Variants in KCNIP1 observed in about 807,000 individuals in gnomAD.
KCNIP1 encodes the protein A-type potassium channel modulatory protein KCNIP1.
KCNIP1 carries 18 observed loss-of-function variants against 33.0 expected under a neutral mutation model. That is an observed-to-expected ratio of 0.55 (90% confidence interval 0.38 to 0.81). The LOEUF (loss-of-function observed/expected upper bound fraction) is 0.81. Among genes scored for constraint, KCNIP1 ranks in the 30% least tolerant of loss-of-function variants. The pLI is 0.00. For missense variants in KCNIP1, 238 were observed against 271.6 expected, an observed-to-expected ratio of 0.88 and a Z score of 0.87; for synonymous variants, 93 against 98.3, an observed-to-expected ratio of 0.95 and a Z score of 0.32.
chr5:170,406,328 G>A (rs961322628), intron 1 of KCNIP1, among the ~76,000 whole-genome samples: 1 of 152,196 alleles, frequency 6.6e-6, no homozygotes, highest in Non-Finnish European at 1.5e-5. Flanking sequence ...GAGCTTGTGT[G>A]TATAGCATTT....
At chr5:170,692,629 G>A (rs1463794208) in intron 1 of KCNIP1, among the ~76,000 whole-genome samples, 1 of 152,162 alleles carries the variant, frequency 6.6e-6, no homozygotes, top group East Asian at 1.9e-4. Flanking sequence ...ATGACAAACT[G>A]GGGATACTAA....
chr5:170,429,791 G>A (rs115659929), intron 1 of KCNIP1, among the ~76,000 whole-genome samples: 1,617 of 152,216 alleles, frequency 0.011, 30 homozygotes, highest in African/African-American at 0.037. Flanking sequence ...TGCAAAAGAC[G>A]CCTCACAGAA....
intron 1 of KCNIP1, among the ~76,000 whole-genome samples, chr5:170,638,891 G>A (rs867389126): frequency 1.3e-5 from 2 of 152,204 alleles, no homozygotes; most frequent in African/African-American, 2.4e-5. Flanking sequence ...ACCAGCAGAG[G>A]GCAGCAGCAG....
At chr5:170,727,814 G>A (rs1764062014) in intron 5 of KCNIP1, among the ~76,000 whole-genome samples, 1 of 151,786 alleles carries the variant, frequency 6.6e-6, no homozygotes, top group Admixed American at 6.6e-5. Flanking sequence ...AGTGGCACGT[G>A]CCTGTGCTCC....
intron 1 of KCNIP1, among the ~76,000 whole-genome samples, chr5:170,373,594 TA>T (rs1158647594): frequency 3.3e-5 from 5 of 152,230 alleles, no homozygotes; most frequent in South Asian, 2.1e-4. Flanking sequence ...AAAAATAACA[TA>T]TTTTTTTGAA....
At chr5:170,381,200 G>T (rs1206550398) in intron 1 of KCNIP1, among the ~76,000 whole-genome samples, 3 of 152,122 alleles carry the variant, frequency 2.0e-5, no homozygotes, top group Non-Finnish European at 4.4e-5. Flanking sequence ...ACTCTTCATG[G>T]CCAAACCCAG....
intron 1 of KCNIP1, among the ~76,000 whole-genome samples, chr5:170,374,484 G>C (rs948358247): frequency 6.6e-6 from 1 of 152,166 alleles, no homozygotes; most frequent in African/African-American, 2.4e-5. Flanking sequence ...ACCTGGCACT[G>C]TTAGGATGTC....
chr5:170,406,561 G>T (rs1322644319), intron 1 of KCNIP1, among the ~76,000 whole-genome samples: 8 of 152,218 alleles, frequency 5.3e-5, no homozygotes, highest in Admixed American at 5.2e-4. Flanking sequence ...GGCACAAGAG[G>T]TGAGTGGCCT....
intron 1 of KCNIP1, among the ~76,000 whole-genome samples, chr5:170,701,782 T>C (rs759476240): frequency 2.0e-5 from 3 of 152,132 alleles, no homozygotes; most frequent in Non-Finnish European, 4.4e-5. Context: ...AGAGATGATG[T>C]TACTGTCCCC....
intron 1 of KCNIP1, among the ~76,000 whole-genome samples, chr5:170,360,778 G>T (rs1296642472): frequency 6.6e-6 from 1 of 152,214 alleles, no homozygotes; most frequent in Non-Finnish European, 1.5e-5. Flanking sequence ...CGTTCACCAC[G>T]TTCACCACGT....
chr5:170,561,253 A>C (rs961168889), intron 1 of KCNIP1: 1 of 391,806 alleles, frequency 2.6e-6, no homozygotes, highest in African/African-American at 2.1e-5. Flanking sequence ...TGGCCCCTGC[A>C]TCCTCAGATG....
chr5:170,516,162 G>A (rs1755112469), intron 1 of KCNIP1, among the ~76,000 whole-genome samples: 1 of 152,154 alleles, frequency 6.6e-6, no homozygotes, highest in South Asian at 2.1e-4. Flanking sequence ...GCAAGGATGA[G>A]GAAAGCACCA....
intron 1 of KCNIP1, among the ~76,000 whole-genome samples, chr5:170,381,982 C>G (rs999575106): frequency 6.6e-6 from 1 of 152,120 alleles, no homozygotes; most frequent in Non-Finnish European, 1.5e-5. Flanking sequence ...AGACCCACTT[C>G]TCATTGACCT....
rs538725179 is a variant in KCNIP1 at position 170,638,541 on chromosome 5, G to T, written c.62-80217G>T. Among the ~76,000 whole-genome samples, 35 of 152,308 alleles carry T rather than the reference G, an allele frequency of 2.3e-4. No individual in the cohort carries two copies. The South Asian group carries it at 3.1e-3, about 14-fold the overall frequency. On this transcript the variant is annotated intron_variant, in intron 1 of 7. Transcript: ENST00000328939. ...AGAAATTATTTTACCATTCTGAGTG[G>T]CAGTCTCTGAAGACTACAGCAATAA...
intron 1 of KCNIP1, among the ~76,000 whole-genome samples, chr5:170,688,812 G>A (rs1238374948): frequency 6.6e-6 from 1 of 152,192 alleles, no homozygotes; most frequent in Non-Finnish European, 1.5e-5. Context: ...TCTGGGCCAT[G>A]TCCACCCTGC....
At chr5:170,601,648 G>T (rs1372113115) in intron 1 of KCNIP1, among the ~76,000 whole-genome samples, 1 of 152,200 alleles carries the variant, frequency 6.6e-6, no homozygotes, top group Admixed American at 6.5e-5. Flanking sequence ...GCAGAAAAAA[G>T]ATTGCACTCA....
rs561903455 is a variant in KCNIP1 at position 170,625,487 on chromosome 5, C to T, written c.62-93271C>T. On this transcript the variant is annotated intron_variant, in intron 1 of 7. Transcript: ENST00000328939. ...CTCCCCATCGCTGGGCTGTGACCTGCGGGGGCGCCCCTCTATGGAAGGGAA... is the reference window on the plus strand; with the variant it reads ...CTCCCCATCGCTGGGCTGTGACCTGTGGGGGCGCCCCTCTATGGAAGGGAA... 2.6e-5 allele frequency among the ~76,000 whole-genome samples: 4 copies of T among 152,310 alleles called. No individual in the cohort carries two copies. In the South Asian group the frequency reaches 6.2e-4, roughly 24 times the overall value.
At chr5:170,653,500 CA>C (rs567313537) in intron 1 of KCNIP1, among the ~76,000 whole-genome samples, 96 of 152,250 alleles carry the variant, frequency 6.3e-4, no homozygotes, top group African/African-American at 2.0e-3. Context: ...CTGCCCAATC[CA>C]GCCTCAGGCT....
At chr5:170,531,338 A>G (rs1247593329) in intron 1 of KCNIP1, among the ~76,000 whole-genome samples, 1 of 152,136 alleles carries the variant, frequency 6.6e-6, no homozygotes, top group East Asian at 1.9e-4. Flanking sequence ...TGGGGCTGGG[A>G]CCTGGGATCC....
Sources: gnomAD v4.1 joint callset for allele counts (sites outside exome capture counted in the v4.1 genomes callset) on GRCh38, gnomAD v4.1.1 for gene constraint, MANE v1.5 for transcripts, NCBI Gene and HGNC (gene_info 2026-07-23, HGNC 2026-07-21) for gene names.